Variants in PAPPA2 observed in about 807,000 individuals in gnomAD.
PAPPA2 encodes the protein pappalysin-2.
Under a neutral mutation model 176.4 loss-of-function variants are expected in PAPPA2, and 86 were observed. The ratio of observed to expected loss-of-function variants is 0.49; its 90% CI spans 0.41 to 0.58. The LOEUF (loss-of-function observed/expected upper bound fraction) is 0.58. Among genes scored for constraint, PAPPA2 ranks in the 20% least tolerant of loss-of-function variants. PAPPA2 has a pLI of 0.00. For missense variants in PAPPA2, 2,073 were observed against 2,256.9 expected, an observed-to-expected ratio of 0.92 and a Z score of 1.65; for synonymous variants, 809 against 852.2, an observed-to-expected ratio of 0.95 and a Z score of 0.88.
intron 21 of PAPPA2, among the ~76,000 whole-genome samples, chr1:176,815,828 G>C (rs1182633532): frequency 2.6e-5 from 4 of 152,072 alleles, no homozygotes; most frequent in African/African-American, 9.7e-5. Context: ...TTGAGAACTT[G>C]ATCAGCCTTC....
intron 3 of PAPPA2, among the ~76,000 whole-genome samples, chr1:176,663,738 T>C (rs1573214717): frequency 6.6e-6 from 1 of 152,046 alleles, no homozygotes; most frequent in South Asian, 2.1e-4. Context: ...GTGGAGGAGG[T>C]GAGCCTAGAA....
At chr1:176,503,202 T>C (rs1294981983) in intron 1 of PAPPA2, among the ~76,000 whole-genome samples, 1 of 152,098 alleles carries the variant, frequency 6.6e-6, no homozygotes, top group African/African-American at 2.4e-5. Context: ...ACCTCATCCA[T>C]CATCAAAGCC....
chr1:176,627,163 G>A, intron 3 of PAPPA2, among the ~76,000 whole-genome samples: 1 of 152,068 alleles, frequency 6.6e-6, no homozygotes, highest in East Asian at 1.9e-4. Flanking sequence ...CCAAGAAGGT[G>A]CATTTTCCTG....
At chr1:176,536,947 A>G (rs1189248042) in intron 1 of PAPPA2, among the ~76,000 whole-genome samples, 1 of 152,192 alleles carries the variant, frequency 6.6e-6, no homozygotes, top group Non-Finnish European at 1.5e-5. Context: ...GAGAGGTACA[A>G]TTATCATTCT....
chr1:176,554,680 G>A (rs1296727421), intron 1 of PAPPA2, among the ~76,000 whole-genome samples: 1 of 152,042 alleles, frequency 6.6e-6, no homozygotes, highest in East Asian at 1.9e-4. Context: ...TCAGCATATG[G>A]TGACTTTTAG....
At position 176,669,811 on chromosome 1, in the gene PAPPA2, G is replaced by A. The variant is rs1658882480; in HGVS notation, c.1992-1159G>A. 2.0e-5 allele frequency among the ~76,000 whole-genome samples: 3 copies of A among 152,058 alleles called. No homozygotes were observed. The South Asian group carries it at 6.2e-4, about 32-fold the overall frequency. On this transcript the variant is annotated intron_variant, in intron 3 of 22. Transcript: ENST00000367662. Reference sequence around the variant, plus strand: ...CATCCTACACTTGGATGAAATAGATGGCATCAACAATCAGGAGGCAGAGCA... The same window carrying A: ...CATCCTACACTTGGATGAAATAGATAGCATCAACAATCAGGAGGCAGAGCA...
intron 3 of PAPPA2, among the ~76,000 whole-genome samples, chr1:176,666,409 A>G (rs2102766230): frequency 6.6e-6 from 1 of 152,264 alleles, no homozygotes; most frequent in South Asian, 2.1e-4. Context: ...ATGGAAAAAA[A>G]GTGAATGGGA....
chr1:176,805,365 G>T (rs1665858240), intron 21 of PAPPA2, among the ~76,000 whole-genome samples: 1 of 151,982 alleles, frequency 6.6e-6, no homozygotes, highest in African/African-American at 2.4e-5. Flanking sequence ...ATTCTTTCCA[G>T]CAGTCTCCAT....
intron 1 of PAPPA2, among the ~76,000 whole-genome samples, chr1:176,484,690 T>C (rs1383072499): frequency 6.6e-6 from 1 of 152,254 alleles, no homozygotes; most frequent in Non-Finnish European, 1.5e-5. Context: ...CTAGCATTTC[T>C]TCTTGGTCGT....
At chr1:176,825,085 T>A (rs1329254164) in intron 21 of PAPPA2, among the ~76,000 whole-genome samples, 1 of 152,232 alleles carries the variant, frequency 6.6e-6, no homozygotes, top group Non-Finnish European at 1.5e-5. Flanking sequence ...GTTCACTTCT[T>A]AGTGCTTCCT....
intron 7 of PAPPA2, 121 bp from the exon 8 acceptor site, chr1:176,698,979 C>A: frequency 1.5e-6 from 2 of 1,308,032 alleles, no homozygotes; most frequent in Non-Finnish European, 2.1e-6. Context: ...CTAAGATGAC[C>A]AACTTCTACA....
Position 176,699,168 on chromosome 1 carries a change from C to T in PAPPA2, c.2815C>T (p.His939Tyr), listed in dbSNP as rs746264576. 44 of 1,614,112 alleles carry T rather than the reference C, an allele frequency of 2.7e-5. No individual in the cohort carries two copies. In the African/African-American group the frequency reaches 5.6e-4, roughly 21 times the overall value. ...CTGGAGCCCTGAGGTCCACCTGTAC[C>T]ACATGAACATGACGGTCCCCTGCCC... ...QAWSPEVHLY[H>Y]MNMTVPCPTE... The change falls in exon 8 of 23, where the codon CAC becomes TAC. Residue 939 changes from histidine (H) to tyrosine (Y), a missense_variant. Around this residue, in one of 4 missense-constraint regions of PAPPA2, gnomAD observed 1,196 missense variants for 1,330.4 expected, o/e 0.90. Transcript: ENST00000367662.
intron 1 of PAPPA2, among the ~76,000 whole-genome samples, chr1:176,484,301 A>G (rs1474604321): frequency 1.3e-5 from 2 of 152,208 alleles, no homozygotes; most frequent in Non-Finnish European, 2.9e-5. Flanking sequence ...TGCAGTTTGA[A>G]AATAATATAT....
chr1:176,624,365 C>T (rs986037770), intron 3 of PAPPA2, among the ~76,000 whole-genome samples: 1 of 152,114 alleles, frequency 6.6e-6, no homozygotes, highest in Non-Finnish European at 1.5e-5. Flanking sequence ...GAAAACTAAG[C>T]CTTATAAATC....
At chr1:176,822,950 C>T (rs1233941126) in intron 21 of PAPPA2, among the ~76,000 whole-genome samples, 1 of 152,214 alleles carries the variant, frequency 6.6e-6, no homozygotes, top group Non-Finnish European at 1.5e-5. Context: ...TAACCACCAA[C>T]TAATCCTAGT....
intron 12 of PAPPA2, among the ~76,000 whole-genome samples, chr1:176,734,015 G>C (rs368112601): frequency 3.1e-4 from 47 of 152,190 alleles, no homozygotes; most frequent in African/African-American, 1.0e-3. Context: ...CTTGTATAGA[G>C]AGGTTTTTTC....
At chr1:176,571,993 C>T (rs1311954140) in intron 2 of PAPPA2, among the ~76,000 whole-genome samples, 1 of 152,154 alleles carries the variant, frequency 6.6e-6, no homozygotes, top group Non-Finnish European at 1.5e-5. Context: ...AGATTCCGGG[C>T]ACGGACCGTC....
intron 1 of PAPPA2, among the ~76,000 whole-genome samples, chr1:176,506,285 A>G (rs1572979707): frequency 6.6e-6 from 1 of 150,476 alleles, no homozygotes; most frequent in Admixed American, 6.6e-5. Flanking sequence ...AGCTAGTGTG[A>G]TGCTTCTGGC....
intron 20 of PAPPA2, among the ~76,000 whole-genome samples, chr1:176,795,315 G>A (rs1038016348): frequency 4.6e-5 from 7 of 152,058 alleles, no homozygotes; most frequent in Middle Eastern, 3.2e-3. Context: ...TCCTCAATGC[G>A]GGATTCATTT....
Sources: allele counts gnomAD v4.1 joint callset (sites outside exome capture counted in the v4.1 genomes callset), GRCh38; gene constraint gnomAD v4.1.1; regional missense constraint gnomAD v4.1.1; transcripts MANE v1.5; gene names NCBI Gene and HGNC (gene_info 2026-07-23, HGNC 2026-07-21).